The following POMT2 variants were observed in gnomAD, a reference collection of about 807,000 sequenced individuals.
POMT2 encodes the protein protein O-mannosyl-transferase 2.
POMT2 carries 75 observed loss-of-function variants against 100.0 expected under a neutral mutation model. That is an observed-to-expected ratio of 0.75 (90% CI 0.62 to 0.91). The LOEUF (loss-of-function observed/expected upper bound fraction) is 0.91, where lower values mean the gene tolerates loss of function less well. POMT2 is among the 40% of genes least tolerant of loss of function. The pLI is 0.00. For synonymous variants in POMT2, 378 were observed against 374.1 expected, an observed-to-expected ratio of 1.01 and a Z score of -0.12; for missense variants, 940 against 955.1, an observed-to-expected ratio of 0.98 and a Z score of 0.21.
At chr14:77,291,267 T>C in intron 10 of POMT2, 47 bp downstream of exon 10, 1 of 1,587,664 alleles carries the variant, frequency 6.3e-7, no homozygotes, top group Non-Finnish European at 8.6e-7. Context: ...TAAGGAGGGC[T>C]CAGAGGGAGT....
chr14:77,278,673 A>C lies in POMT2; in HGVS notation c.2032+56T>G, dbSNP rs1480860399. ...GAGTCACTCCCAGCACTGCTGCCCA[A>C]CAGTGGCCCGCCCTCCACCTGCTCT... On this transcript the variant is annotated intron_variant, in intron 19 of 20. Coordinates refer to ENST00000261534, the MANE Select transcript of POMT2 (RefSeq NM_013382.7). 7 of 1,608,302 alleles carry C rather than the reference A, an allele frequency of 4.4e-6. No individual in the cohort carries two copies. In the East Asian group the frequency reaches 1.3e-4, roughly 31 times the overall value.
chr14:77,309,240 G>A (rs1351903981), intron 2 of POMT2, among the ~76,000 whole-genome samples: 1 of 152,224 alleles, frequency 6.6e-6, no homozygotes, highest in South Asian at 2.1e-4. Flanking sequence ...TACCTCTGCG[G>A]ACTAGAAATG....
At chr14:77,299,127 C>T (rs758098463) in intron 7 of POMT2, among the ~76,000 whole-genome samples, 4 of 152,162 alleles carry the variant, frequency 2.6e-5, no homozygotes, top group Non-Finnish European at 4.4e-5. Context: ...GAGCTGTTGC[C>T]GCCGGAGTTA....
intron 9 of POMT2, among the ~76,000 whole-genome samples, chr14:77,293,795 G>A (rs1382181324): frequency 1.3e-5 from 2 of 152,274 alleles, no homozygotes; most frequent in Non-Finnish European, 1.5e-5. Flanking sequence ...TGGGCTCTAC[G>A]TACATAACAC....
In POMT2 at chr14:77,277,153, G is replaced by C; in HGVS notation, c.*223C>G. On this transcript the variant is annotated 3_prime_UTR_variant, in exon 21 of 21. Transcript: ENST00000261534. Reference sequence around the variant, plus strand: ...TGTGCACGAGGGAGCAGCCCAAGAGGCGCTGTCCTCTCCGTGGTGCTGTGG... The same window carrying C: ...TGTGCACGAGGGAGCAGCCCAAGAGCCGCTGTCCTCTCCGTGGTGCTGTGG... 3.5e-6 allele frequency: 2 copies of C among 574,724 alleles called. No individual in the cohort carries two copies. Among genetic ancestry groups the C allele is most frequent in the South Asian group, 3.8e-5 (2 of 52,328 alleles). 35.6% of individuals were successfully genotyped at this position (574,724 alleles called of 1,614,324 possible).
At chr14:77,301,437 G>A (rs1891038584) in intron 5 of POMT2, among the ~76,000 whole-genome samples, 188 bp from the exon 6 acceptor site, 1 of 152,210 alleles carries the variant, frequency 6.6e-6, no homozygotes, top group African/African-American at 2.4e-5. Context: ...TGGAACGGCA[G>A]GAAAAGCACT....
intron 19 of POMT2, 51 bp downstream of exon 19, chr14:77,278,678 G>A: frequency 6.2e-7 from 1 of 1,610,408 alleles, no homozygotes; most frequent in Admixed American, 1.7e-5. Context: ...GCCCAACAGT[G>A]GCCCGCCCTC....
intron 16 of POMT2, 103 bp from the exon 17 acceptor site, chr14:77,280,183 C>G: frequency 6.3e-7 from 1 of 1,596,168 alleles, no homozygotes; most frequent in South Asian, 1.1e-5. Flanking sequence ...GGAGCCTGGA[C>G]ACGAACCTCA....
At chr14:77,302,750 G>A (rs1268901651) in intron 5 of POMT2, 85 bp downstream of exon 5, 1 of 1,119,394 alleles carries the variant, frequency 8.9e-7, no homozygotes, top group Non-Finnish European at 1.3e-6. Context: ...AAGTCTCTGG[G>A]CACCCGCCCT....
At position 77,308,963 on chromosome 14, in the gene POMT2, T is replaced by TA. The variant is rs201519941; in HGVS notation, c.334-2523dup. 2.9e-3 allele frequency among the ~76,000 whole-genome samples: 446 copies of TA among 152,314 alleles called. 1 individual carries two copies. The highest frequency in any genetic ancestry group is 0.01 in the African/African-American group (416 of 41,578). On this transcript the variant is annotated intron_variant, in intron 2 of 20. Coordinates refer to ENST00000261534, the MANE Select transcript of POMT2 (RefSeq NM_013382.7). ...CACCAACTGAAGAGGGATAAATACT[T>TA]ACGGCACATCTACATAATAGAATGA...
chr14:77,306,207 C>T, intron 3 of POMT2, 130 bp downstream of exon 3: 1 of 1,491,658 alleles, frequency 6.7e-7, no homozygotes. Context: ...TCTGATCATC[C>T]TCCCCTCTCC....
intron 11 of POMT2, chr14:77,287,599 G>A (rs1273779864): frequency 2.1e-5 from 3 of 145,334 alleles, no homozygotes; most frequent in African/African-American, 7.7e-5. Flanking sequence ...TTAAAAATTT[G>A]TATCCGATAA....
At chr14:77,297,984 C>T (rs1850109536) in intron 8 of POMT2, among the ~76,000 whole-genome samples, 1 of 152,206 alleles carries the variant, frequency 6.6e-6, no homozygotes, top group African/African-American at 2.4e-5. Flanking sequence ...ACACCTCAAA[C>T]CCTCATAGTC....
chr14:77,288,121 A>G (rs1213852609), intron 11 of POMT2, among the ~76,000 whole-genome samples: 1 of 152,236 alleles, frequency 6.6e-6, no homozygotes, highest in Non-Finnish European at 1.5e-5. Context: ...CTCTCAAGAG[A>G]CAGCCAAAAG....
chr14:77,302,919 T>C lies in POMT2; in HGVS notation c.572A>G (p.Gln191Arg), dbSNP rs769973167. ...CAGGATGGGGTCAAGGAGGATGTAC[T>C]GGGACAGAGTGAGGCATCCCGTGTC... ...TFDTGCLTLS[Q>R]YILLDPILMF... is the part of the protein sequence containing the mutation. Residue 191 changes from glutamine (Q) to arginine (R), a missense_variant, in exon 5 of 21, where the codon CAG (glutamine) becomes CGG (arginine). Gln to Arg is a conservative substitution (Grantham distance 43). Coordinates refer to ENST00000261534, the MANE Select transcript of POMT2 (RefSeq NM_013382.7). The C allele has an allele frequency of 6.2e-7, 1 of 1,613,532 alleles. No homozygotes were observed. The highest frequency in any genetic ancestry group is 8.5e-7 in the Non-Finnish European group (1 of 1,179,572).
chr14:77,280,384 G>T lies in POMT2; in HGVS notation c.1725+8C>A. ...TTTCCTGGGAGGAGCCCCAGCCTTG[G>T]ATCCTACCTGATAGTTGATAGGCCA... On this transcript the variant is annotated splice_region_variant and intron_variant, in intron 16 of 20. Transcript: ENST00000261534. 6.2e-7 allele frequency: 1 copy of T among 1,614,158 alleles called. No homozygotes were observed. The highest frequency in any genetic ancestry group is 1.1e-5 in the South Asian group (1 of 91,072).
In POMT2 at chr14:77,277,125, C is replaced by T. The variant is rs1000876474; in HGVS notation, c.*251G>A. 3.3e-5 allele frequency: 18 copies of T among 539,492 alleles called. No individual in the cohort carries two copies. The highest frequency in any genetic ancestry group is 4.0e-5 in the Non-Finnish European group (12 of 297,624). 33.4% of individuals were successfully genotyped at this position (539,492 alleles called of 1,614,324 possible). ...ACCCTCTGGCACCCATCCTCCCCTG[C>T]GCTGTGCACGAGGGAGCAGCCCAAG... is the stretch of plus-strand genomic sequence containing the variant. On this transcript the variant is annotated 3_prime_UTR_variant, in exon 21 of 21. Coordinates refer to ENST00000261534, the MANE Select transcript of POMT2 (RefSeq NM_013382.7).
chr14:77,298,651 T>A, intron 8 of POMT2, 38 bp downstream of exon 8: 1 of 1,608,830 alleles, frequency 6.2e-7, no homozygotes, highest in Non-Finnish European at 8.5e-7. Context: ...AGGACACCCC[T>A]CTGCCTTCTA....
In POMT2 at chr14:77,291,889, C is replaced by T. The variant is rs1459108889; in HGVS notation, c.1117-509G>A. The stretch of plus-strand genomic sequence containing the variant: ...CTTTACTAAAAATACAAAAATTAGC[C>T]GGGCATGGTACGCGCCTGTAATCCC... On this transcript the variant is annotated intron_variant, in intron 9 of 20. Coordinates refer to ENST00000261534, the MANE Select transcript of POMT2 (RefSeq NM_013382.7). 5.3e-5 allele frequency among the ~76,000 whole-genome samples: 8 copies of T among 152,032 alleles called. No individual in the cohort carries two copies. The South Asian group carries it at 1.2e-3, about 24-fold the overall frequency.
Sources: gnomAD v4.1 joint callset for allele counts (sites outside exome capture counted in the v4.1 genomes callset) on GRCh38, gnomAD v4.1.1 for gene constraint, MANE v1.5 for transcripts, NCBI Gene and HGNC (gene_info 2026-07-23, HGNC 2026-07-21) for gene names.